Variants in WDTC1 observed in about 807,000 individuals in gnomAD.
WDTC1 encodes the protein WD and tetratricopeptide repeats protein 1.
A neutral mutation model predicts 76.0 loss-of-function variants in WDTC1; 12 were observed. That is an observed-to-expected ratio of 0.16 (90% CI 0.10 to 0.26). WDTC1 has a LOEUF of 0.26. WDTC1 is among the 10% of genes least tolerant of loss of function. WDTC1 has a pLI of 1.00. For missense variants in WDTC1, 511 were observed against 908.8 expected (o/e 0.56, Z 5.63); for synonymous variants, 326 against 350.8 (o/e 0.93, Z 0.79).
At chr1:27,253,511 TTTC>T (rs1314120195) in intron 1 of WDTC1, among the ~76,000 whole-genome samples, 3 of 145,640 alleles carry the variant, frequency 2.1e-5, no homozygotes, top group East Asian at 2.0e-4. Context: ...TCTTTCTTTC[TTTC>T]TTTTTTTTTT....
intron 1 of WDTC1, among the ~76,000 whole-genome samples, chr1:27,254,755 C>T (rs1388208164): frequency 6.6e-6 from 1 of 152,112 alleles, no homozygotes; most frequent in Non-Finnish European, 1.5e-5. Flanking sequence ...GCCTCAGCCT[C>T]CCCAGTAGCT....
At chr1:27,250,071 A>G (rs1447090991) in intron 1 of WDTC1, among the ~76,000 whole-genome samples, 2 of 152,226 alleles carry the variant, frequency 1.3e-5, no homozygotes, top group East Asian at 3.8e-4. Flanking sequence ...GGGAAATGTT[A>G]TAATCCATGC....
chr1:27,270,873 A>G (rs1334656406), intron 3 of WDTC1, among the ~76,000 whole-genome samples: 3 of 152,202 alleles, frequency 2.0e-5, no homozygotes, highest in African/African-American at 7.2e-5. Flanking sequence ...ATAACTCATC[A>G]GTAGACTGTA....
intron 1 of WDTC1, among the ~76,000 whole-genome samples, chr1:27,241,735 C>T (rs577552107): frequency 6.6e-6 from 1 of 152,220 alleles, no homozygotes; most frequent in East Asian, 1.9e-4. Flanking sequence ...AATATGCTCC[C>T]TTTTCTCTGT....
At position 27,305,194 on chromosome 1, in the gene WDTC1, G is replaced by A; in HGVS notation, c.1836+1G>A. 6.2e-7 allele frequency: 1 copy of A among 1,613,288 alleles called. No homozygotes were observed. The highest frequency in any genetic ancestry group is 8.5e-7 in the Non-Finnish European group (1 of 1,179,786). ...GCGGCTCTGGAACCCCCGACCAGAG[G>A]TGAGGGTGCAGAGCCAAGCAGAGAG... On this transcript the variant is annotated splice_donor_variant, in intron 15 of 15. Coordinates refer to ENST00000319394, the MANE Select transcript of WDTC1 (RefSeq NM_001276252.2). LOFTEE classifies it high-confidence loss of function. The surrounding 1 kb of genome is among the most constrained non-coding windows in gnomAD (Gnocchi z 4.6).
chr1:27,254,851 T>C (rs1473830095), intron 1 of WDTC1, among the ~76,000 whole-genome samples: 1 of 152,114 alleles, frequency 6.6e-6, no homozygotes, highest in African/African-American at 2.4e-5. Context: ...GGCCTTGAAC[T>C]CCTGACCTCA....
At position 27,289,877 on chromosome 1, in the gene WDTC1, C is replaced by A. The variant is rs564202688; in HGVS notation, c.479+2016C>A. ...GCACGCGCCTGCAATCGCAGGCACT[C>A]GGCAGGCTGAGGCAGGAGAATCAGG... On this transcript the variant is annotated intron_variant, in intron 6 of 15. Coordinates refer to ENST00000319394, the MANE Select transcript of WDTC1 (RefSeq NM_001276252.2). Among the ~76,000 whole-genome samples the A allele has an allele frequency of 1.6e-3, 248 of 152,250 alleles. 3 individuals are homozygous for A. Among genetic ancestry groups the A allele is most frequent in the African/African-American group, 5.6e-3 (233 of 41,512 alleles).
intron 1 of WDTC1, among the ~76,000 whole-genome samples, chr1:27,257,649 G>C (rs191138922): frequency 1.3e-3 from 197 of 152,200 alleles, no homozygotes; most frequent in African/African-American, 4.6e-3. Context: ...TGAAACTATA[G>C]TTCTCAGCTG....
At position 27,249,344 on chromosome 1, in the gene WDTC1, TCTACTTC is replaced by T. The variant is rs574153484; in HGVS notation, c.-99-11608_-99-11602del. On this transcript the variant is annotated intron_variant, in intron 1 of 15. Transcript: ENST00000319394. ...CCCTTCAGCCCTAAGCAACCATTAA[TCTACTTC>T]CTATTTCTATTCTATTTTGTTCTAT... Among the ~76,000 whole-genome samples, 3 of 152,080 alleles carry T rather than the reference TCTACTTC, an allele frequency of 2.0e-5. No individual in the cohort carries two copies. In the East Asian group the frequency reaches 5.8e-4, roughly 29 times the overall value.
intron 1 of WDTC1, 132 bp downstream of exon 1, chr1:27,235,083 C>T: frequency 3.2e-6 from 1 of 310,906 alleles, no homozygotes; most frequent in Non-Finnish European, 5.9e-6. Context: ...GCCTACCCGC[C>T]TCGGGGCCCC....
rs1045451008 is a variant in WDTC1 at position 27,236,459 on chromosome 1, A to G, written c.-100+1508A>G. On this transcript the variant is annotated intron_variant, in intron 1 of 15. Coordinates refer to ENST00000319394, the MANE Select transcript of WDTC1 (RefSeq NM_001276252.2). ...GCACTTCTGTTCGAGTCTTATCTCA[A>G]TTTGAAGGAACAGTGCTTTTGGATC... Among the ~76,000 whole-genome samples, 9 of 152,160 alleles carry G rather than the reference A, an allele frequency of 5.9e-5. No individual in the cohort carries two copies. In the East Asian group the frequency reaches 7.7e-4, roughly 13 times the overall value.
chr1:27,256,010 G>T (rs145350191), intron 1 of WDTC1, among the ~76,000 whole-genome samples: 1 of 152,082 alleles, frequency 6.6e-6, no homozygotes, highest in African/African-American at 2.4e-5. Flanking sequence ...TATCAGGCAG[G>T]ATTTGTAGTT....
intron 3 of WDTC1, among the ~76,000 whole-genome samples, chr1:27,279,622 A>G (rs1483078925): frequency 1.3e-5 from 2 of 151,948 alleles, no homozygotes; most frequent in African/African-American, 4.8e-5. Flanking sequence ...GCTGGAGTGC[A>G]GTGACGTGAT....
chr1:27,263,225 C>T lies in WDTC1; in HGVS notation c.122C>T (p.Ala41Val). 1 of 1,613,202 alleles carries T rather than the reference C, an allele frequency of 6.2e-7. No individual in the cohort carries two copies. ...TTTATCCGGCGGCTGGGCCTGGAAG[C>T]AGAGCTGCAGGTAAGAGATCCAGTT... is the stretch of plus-strand genomic sequence containing the variant. ...DPFIRRLGLE[A>V]ELQGHSGCVN... Residue 41 changes from alanine to valine, a missense_variant, in exon 3 of 16, where the codon GCA (alanine) becomes GTA (valine). By Grantham distance (64) the Ala-to-Val change is moderately conservative. Coordinates refer to ENST00000319394, the MANE Select transcript of WDTC1 (RefSeq NM_001276252.2).
In WDTC1 at chr1:27,263,193, T is replaced by A; in HGVS notation, c.90T>A (p.Thr30=). The A allele has an allele frequency of 6.2e-7, 1 of 1,613,682 alleles. No individual in the cohort carries two copies. The highest frequency in any genetic ancestry group is 8.5e-7 in the Non-Finnish European group (1 of 1,179,856). The change falls in exon 3 of 16, where the codon ACT becomes ACA. Residue 30 remains threonine (T), a synonymous_variant. Transcript: ENST00000319394. ...GCTTTGAGCGGCGCTACCATGTCAC[T>A]GACCCCTTTATCCGGCGGCTGGGCC... ...ALSFERRYHV[T]DPFIRRLGLE...
rs869288356 is a variant in WDTC1 at position 27,267,249 on chromosome 1, C to CT, written c.132+4029dup. On this transcript the variant is annotated intron_variant, in intron 3 of 15. Coordinates refer to ENST00000319394, the MANE Select transcript of WDTC1 (RefSeq NM_001276252.2). ...CCTCCAAGTTAACTTGGATTACTTT[C>CT]TTTTTTTTTTTTTTTGGCAACAGGG... 4.6e-3 allele frequency among the ~76,000 whole-genome samples: 650 copies of CT among 140,152 alleles called. 6 individuals are homozygous for CT. The highest frequency in any genetic ancestry group is 8.1e-3 in the South Asian group (36 of 4,438). The allele number at this position is 140,152 out of a possible 152,430, so 91.9% of individuals were successfully genotyped here.
intron 13 of WDTC1, among the ~76,000 whole-genome samples, chr1:27,302,630 C>T (rs1486897318): frequency 6.6e-6 from 1 of 151,960 alleles, no homozygotes; most frequent in Non-Finnish European, 1.5e-5. Flanking sequence ...AGTCCCAGCT[C>T]CTCGGGCAGC....
At position 27,296,477 on chromosome 1, in the gene WDTC1, C is replaced by A. The variant is rs1189082163; in HGVS notation, c.949+76C>A. On this transcript the variant is annotated intron_variant, in intron 10 of 15. Coordinates refer to ENST00000319394, the MANE Select transcript of WDTC1 (RefSeq NM_001276252.2). ...GTGCATGCTACACCTGCTGAGAAGCCTGCCCTTTACTCTGGACCGTGATCC... is the reference window on the plus strand; with the variant it reads ...GTGCATGCTACACCTGCTGAGAAGCATGCCCTTTACTCTGGACCGTGATCC... 4 of 1,478,092 alleles carry A rather than the reference C, an allele frequency of 2.7e-6. No homozygotes were observed. In the Admixed American group the frequency reaches 5.1e-5, roughly 19 times the overall value. The allele number at this position is 1,478,092 out of a possible 1,614,324, so 91.6% of individuals were successfully genotyped here.
chr1:27,307,963 A>AG lies in WDTC1; in HGVS notation c.*1583dup, dbSNP rs2013997515. 1 of 152,666 alleles carries AG rather than the reference A, an allele frequency of 6.6e-6. No individual in the cohort carries two copies. The highest frequency in any genetic ancestry group is 2.4e-5 in the African/African-American group (1 of 41,462). 9.5% of individuals were successfully genotyped at this position (152,666 alleles called of 1,614,324 possible). On this transcript the variant is annotated 3_prime_UTR_variant, in exon 16 of 16. Transcript: ENST00000319394. This position sits in a 1 kb window ranked among gnomAD's most constrained non-coding sequence, Gnocchi z 4.1. The stretch of plus-strand genomic sequence containing the variant: ...CGTGACCTTTCTCTAGCCAGGGAGA[A>AG]GGGAGAGCAGGAGTATTGGGGCTGG...
Sources: allele counts gnomAD v4.1 joint callset (sites outside exome capture counted in the v4.1 genomes callset), GRCh38; gene constraint gnomAD v4.1.1; non-coding constraint Gnocchi (gnomAD v3.1); transcripts MANE v1.5; gene names NCBI Gene and HGNC (gene_info 2026-07-23, HGNC 2026-07-21).